The following PMS2 variants were observed in gnomAD, a reference collection of about 807,000 sequenced individuals.
PMS2 encodes PMS1 homolog 2, mismatch repair system component.
PMS2 carries 69 observed loss-of-function variants against 90.0 expected under a neutral mutation model. The observed-to-expected ratio is 0.77, with a 90% CI of 0.63 to 0.94. The LOEUF (loss-of-function observed/expected upper bound fraction) is 0.94, where lower values mean the gene tolerates loss of function less well. Ranked by LOEUF, PMS2 falls within the 40% of genes least tolerant of loss-of-function variation. The pLI, the probability that PMS2 is intolerant of heterozygous loss-of-function variation, is 0.00. For missense variants in PMS2, 966 were observed against 1,040.2 expected (o/e 0.93, Z 0.98); for synonymous variants, 332 against 375.1 (o/e 0.89, Z 1.33).
chr7:5,975,891 C>T (rs1583272747), intron 14 of PMS2, among the ~76,000 whole-genome samples: 1 of 108,172 alleles, frequency 9.2e-6, no homozygotes, highest in African/African-American at 3.2e-5. Context: ...GATGCCATTC[C>T]CTGACCACCA....
intron 8 of PMS2, 32 bp downstream of exon 8, chr7:5,995,502 A>G (rs1784286020): frequency 5.7e-6 from 8 of 1,406,728 alleles, no homozygotes; most frequent in South Asian, 1.1e-5. Context: ...AAAGGCATAA[A>G]GAACAAACTA....
At chr7:5,998,316 G>A (rs1030714667) in intron 6 of PMS2, among the ~76,000 whole-genome samples, 5 of 149,956 alleles carry the variant, frequency 3.3e-5, no homozygotes, top group African/African-American at 9.8e-5. Flanking sequence ...TCCTGACCTC[G>A]TGATCCGCCC....
chr7:5,992,112 C>G (rs1259511086), intron 8 of PMS2, 55 bp from the exon 9 acceptor site: 4 of 907,046 alleles, frequency 4.4e-6, no homozygotes, highest in East Asian at 4.9e-5. Flanking sequence ...CCCAGCCCCC[C>G]GCATTCTAAC....
intron 1 of PMS2, among the ~76,000 whole-genome samples, chr7:6,008,739 C>G (rs1786192666): frequency 1.4e-5 from 2 of 147,596 alleles, no homozygotes; most frequent in Admixed American, 6.8e-5. Flanking sequence ...CTGTCTGGGA[C>G]AGGCCGAACC....
Position 6,003,724 on chromosome 7 carries a change from G to T in PMS2, c.319C>A (p.Arg107=). ...DLTQVETFGF[R]GEALSSLCAL... ...CAAAGTGAGCTCAGAGCTTCCCCCC[G>T]AAAGCCAAAAGTTTCAACCTGAGTT... is the stretch of plus-strand genomic sequence containing the variant. Residue 107 remains arginine, a synonymous_variant, in exon 4 of 15, where the codon CGG becomes AGG. Transcript: ENST00000265849. 1 of 1,598,850 alleles carries T rather than the reference G, an allele frequency of 6.3e-7. No individual in the cohort carries two copies. The highest frequency in any genetic ancestry group is 1.1e-5 in the South Asian group (1 of 90,988).
At chr7:5,992,898 T>C (rs1783926154) in intron 8 of PMS2, among the ~76,000 whole-genome samples, 2 of 152,218 alleles carry the variant, frequency 1.3e-5, no homozygotes, top group Non-Finnish European at 2.9e-5. Flanking sequence ...TAAATGTTCA[T>C]AAAACATATT....
rs1562695328 is a variant in PMS2, at chr7:6,004,011, T to C, written c.211A>G (p.Asn71Asp). 6.2e-7 allele frequency: 1 copy of C among 1,605,680 alleles called. No individual in the cohort carries two copies. The change falls in exon 3 of 15, where the codon AAT becomes GAT. Residue 71 changes from asparagine to aspartate, a missense_variant. Around this residue, in one of 2 missense-constraint regions of PMS2, gnomAD observed 871 missense variants for 802.4 expected, o/e 1.09. Transcript: ENST00000265849. ...YGVDLIEVSD[N>D]GCGVEEENFE... Reference sequence around the variant, plus strand: ...TTTTCTTCTTCTACCCCACATCCATTGTCTGAAACTTCAATAAGATCCACT... The same window carrying C: ...TTTTCTTCTTCTACCCCACATCCATCGTCTGAAACTTCAATAAGATCCACT...
In PMS2 at chr7:5,982,873, A is replaced by G. The variant is rs1290598320; in HGVS notation, c.2125T>C (p.Phe709Leu). 6.2e-7 allele frequency: 1 copy of G among 1,607,970 alleles called. No homozygotes were observed. Among genetic ancestry groups the G allele is most frequent in the African/African-American group, 1.3e-5 (1 of 74,284 alleles). Residue 709 changes from phenylalanine (F) to leucine (L), a missense_variant, in exon 12 of 15, where the codon TTC becomes CTC. Phe to Leu is a conservative substitution (Grantham distance 22, BLOSUM62 0). This residue lies in a region of PMS2 where 95 missense variants were observed against 237.8 expected (regional missense o/e 0.40). Coordinates refer to ENST00000265849, the MANE Select transcript of PMS2 (RefSeq NM_000535.7). Reference protein sequence around the residue: ...DQHATDEKYNFEMLQQHTVLQ... With the variant: ...DQHATDEKYNLEMLQQHTVLQ... Reference sequence around the variant, plus strand: ...ACGGTGTGCTGCTGCAGCATCTCGAAGTTATACTTCTCGTCCGTGGCATGC... The same window carrying G: ...ACGGTGTGCTGCTGCAGCATCTCGAGGTTATACTTCTCGTCCGTGGCATGC...
At chr7:5,992,110 C>A (rs2128756923) in intron 8 of PMS2, 53 bp from the exon 9 acceptor site, 1 of 934,058 alleles carries the variant, frequency 1.1e-6, no homozygotes, top group Non-Finnish European at 1.8e-6. Context: ...TTCCCAGCCC[C>A]CCGCATTCTA....
intron 5 of PMS2, among the ~76,000 whole-genome samples, chr7:6,000,090 T>C (rs1322536333): frequency 6.6e-6 from 1 of 151,730 alleles, no homozygotes; most frequent in African/African-American, 2.4e-5. Context: ...AAGTCAGTTA[T>C]AGGGCCAGGC....
intron 5 of PMS2, among the ~76,000 whole-genome samples, chr7:6,000,122 C>G (rs569456815): frequency 6.6e-6 from 1 of 152,172 alleles, no homozygotes; most frequent in African/African-American, 2.4e-5. Flanking sequence ...CACCTGTAAT[C>G]CCAGCACTTT....
chr7:6,001,397 G>A (rs1345657598), intron 5 of PMS2, among the ~76,000 whole-genome samples: 1 of 149,366 alleles, frequency 6.7e-6, no homozygotes, highest in East Asian at 2.0e-4. Context: ...TTTGAGATGG[G>A]GTCTGGCTCT....
rs730881919 is a variant in PMS2 at position 6,003,981 on chromosome 7, C to T, written c.241G>A (p.Glu81Lys). Residue 81 changes from glutamate (E) to lysine (K), a missense_variant, in exon 3 of 15, where the codon GAA becomes AAA. Around this residue, in one of 2 missense-constraint regions of PMS2, gnomAD observed 871 missense variants for 802.4 expected, o/e 1.09. Transcript: ENST00000265849. ...GAAAAAGTCAACTTACTTAAGCCTT[C>T]GAAGTTTTCTTCTTCTACCCCACAT... ...NGCGVEEENF[E>K]GLTLKHHTSK... 3.3e-5 allele frequency: 52 copies of T among 1,593,986 alleles called. No homozygotes were observed. The highest frequency in any genetic ancestry group is 2.3e-4 in the Middle Eastern group (1 of 4,440).
intron 12 of PMS2, among the ~76,000 whole-genome samples, chr7:5,979,295 G>A (rs1323412909): frequency 1.4e-5 from 2 of 146,570 alleles, no homozygotes; most frequent in Non-Finnish European, 3.0e-5. Context: ...GGAGGCTGAG[G>A]CACTAGAATT....
At chr7:5,983,542 T>G in intron 11 of PMS2, among the ~76,000 whole-genome samples, 1 of 151,946 alleles carries the variant, frequency 6.6e-6, no homozygotes, top group Non-Finnish European at 1.5e-5. Flanking sequence ...ATAATTTTTT[T>G]TAATTTTAAA....
At chr7:6,003,858 A>G (rs1583409628) in intron 3 of PMS2, 66 bp from the exon 4 acceptor site, 1 of 1,266,370 alleles carries the variant, frequency 7.9e-7, no homozygotes, top group Non-Finnish European at 1.2e-6. Context: ...TATACATGAT[A>G]TCTAGTAACT....
At chr7:5,994,969 A>G (rs950933732) in intron 8 of PMS2, among the ~76,000 whole-genome samples, 1 of 152,156 alleles carries the variant, frequency 6.6e-6, no homozygotes, top group African/African-American at 2.4e-5. Flanking sequence ...CAATGGTTCA[A>G]TAGGTACTTG....
At chr7:5,995,793 G>A (rs1784334367) in intron 7 of PMS2, among the ~76,000 whole-genome samples, 160 bp from the exon 8 acceptor site, 1 of 152,140 alleles carries the variant, frequency 6.6e-6, no homozygotes, top group Non-Finnish European at 1.5e-5. Flanking sequence ...TCCAAATCTT[G>A]ATGAGTCATC....
In PMS2 at chr7:5,986,991, G is replaced by T. The variant is rs63750994; in HGVS notation, c.1774C>A (p.Gln592Lys). 1 of 1,614,138 alleles carries T rather than the reference G, an allele frequency of 6.2e-7. No homozygotes were observed. The highest frequency in any genetic ancestry group is 1.1e-5 in the South Asian group (1 of 91,060). ...ATGTCCTGAGTATTTACTAACTTTT[G>T]ACAAATGTCAGAACTGGAAAGAATT... ...EEILSSSDIC[Q>K]KLVNTQDMSA... The change falls in exon 11 of 15, where the codon CAA (glutamine) becomes AAA (lysine). Residue 592 changes from glutamine (Q) to lysine (K), a missense_variant. This residue lies in a region of PMS2 where 871 missense variants were observed against 802.4 expected (regional missense o/e 1.09). Transcript: ENST00000265849.
Sources: allele counts gnomAD v4.1 joint callset (sites outside exome capture counted in the v4.1 genomes callset), GRCh38; gene constraint gnomAD v4.1.1; regional missense constraint gnomAD v4.1.1; transcripts MANE v1.5; gene names NCBI Gene and HGNC (gene_info 2026-07-23, HGNC 2026-07-21).